Variants in RBFOX1 observed in about 807,000 individuals in gnomAD.
RBFOX1 encodes the protein RNA binding protein fox-1 homolog 1.
Under a neutral mutation model 57.7 loss-of-function variants are expected in RBFOX1, and 8 were observed. That is an observed-to-expected ratio of 0.14 (90% CI 0.08 to 0.25). The LOEUF is 0.25. Among genes scored for constraint, RBFOX1 ranks in the 10% least tolerant of loss-of-function variants. The pLI is 1.00. For missense variants in RBFOX1, 611 were observed against 548.5 expected, an observed-to-expected ratio of 1.11 and a Z score of -1.14; for synonymous variants, 326 against 222.4, an observed-to-expected ratio of 1.47 and a Z score of -4.15.
At chr16:6,900,621 C>T (rs975267821) in intron 3 of RBFOX1, among the ~76,000 whole-genome samples, 2 of 152,178 alleles carry the variant, frequency 1.3e-5, no homozygotes, top group South Asian at 2.1e-4. Context: ...ACAGCAGATG[C>T]TATTCCCTCT....
intron 1 of RBFOX1, among the ~76,000 whole-genome samples, chr16:6,284,944 C>G (rs1294850908): frequency 1.3e-5 from 2 of 152,000 alleles, no homozygotes; most frequent in Non-Finnish European, 2.9e-5. Context: ...GTTTCTTATC[C>G]TCTTGCCTGA....
intron 2 of RBFOX1, among the ~76,000 whole-genome samples, chr16:6,395,891 C>T (rs954042061): frequency 1.3e-5 from 2 of 151,620 alleles, no homozygotes; most frequent in African/African-American, 4.8e-5. Flanking sequence ...CACAGTGAAA[C>T]CCCGTCTCTG....
intron 2 of RBFOX1, among the ~76,000 whole-genome samples, chr16:6,424,863 C>T (rs954034610): frequency 6.6e-6 from 1 of 152,050 alleles, no homozygotes; most frequent in Non-Finnish European, 1.5e-5. Flanking sequence ...TAAATGGAAA[C>T]AAACAAGTTA....
chr16:5,837,919 T>A (rs1351774093), intron 3 of RBFOX1, among the ~76,000 whole-genome samples: 1 of 152,078 alleles, frequency 6.6e-6, no homozygotes, highest in East Asian at 1.9e-4. Flanking sequence ...GTTGGGCGCT[T>A]GGAGAAGACT....
intron 4 of RBFOX1, among the ~76,000 whole-genome samples, chr16:5,904,407 G>A (rs2058391003): frequency 2.6e-5 from 4 of 151,916 alleles, no homozygotes; most frequent in South Asian, 2.1e-4. Flanking sequence ...TTGTCTCAGG[G>A]CATTATATAT....
At chr16:7,483,991 A>G (rs527586835) in intron 4 of RBFOX1, among the ~76,000 whole-genome samples, 1 of 152,314 alleles carries the variant, frequency 6.6e-6, no homozygotes, top group African/African-American at 2.4e-5. Flanking sequence ...CTTTATTTTC[A>G]GTCTATTCTG....
chr16:6,529,569 ATTAT>A (rs1483894658), intron 2 of RBFOX1, among the ~76,000 whole-genome samples: 1 of 91,096 alleles, frequency 1.1e-5, no homozygotes, highest in East Asian at 3.0e-4. Flanking sequence ...AATAATAATA[ATTAT>A]TATTAATAAT....
chr16:6,760,152 G>A (rs115775773), intron 3 of RBFOX1, among the ~76,000 whole-genome samples: 2,084 of 152,212 alleles, frequency 0.014, 53 homozygotes, highest in African/African-American at 0.045. Context: ...AAAAATGTAC[G>A]TACACAAAGA....
intron 1 of RBFOX1, among the ~76,000 whole-genome samples, chr16:6,048,376 A>C (rs113189504): frequency 1.2e-3 from 182 of 152,310 alleles, no homozygotes; most frequent in Non-Finnish European, 2.2e-3. Flanking sequence ...TTACTTCAAG[A>C]ATCTCTCATA....
chr16:7,063,505 C>G (rs1446128343), intron 4 of RBFOX1, among the ~76,000 whole-genome samples: 1 of 152,156 alleles, frequency 6.6e-6, no homozygotes, highest in Non-Finnish European at 1.5e-5. Context: ...CCTACTGGAT[C>G]AGATTCTGGA....
intron 4 of RBFOX1, among the ~76,000 whole-genome samples, chr16:7,337,330 C>G (rs1463499400): frequency 1.3e-5 from 2 of 152,020 alleles, no homozygotes; most frequent in African/African-American, 4.8e-5. Flanking sequence ...AGGGTGGTTT[C>G]AAAGGAAGGG....
At chr16:7,261,937 C>G (rs1318896896) in intron 4 of RBFOX1, among the ~76,000 whole-genome samples, 1 of 152,154 alleles carries the variant, frequency 6.6e-6, no homozygotes, top group Non-Finnish European at 1.5e-5. Flanking sequence ...CTTTGCAAGT[C>G]ACTAGTTAAG....
intron 4 of RBFOX1, among the ~76,000 whole-genome samples, chr16:7,269,707 C>T (rs1212400707): frequency 1.3e-5 from 2 of 152,104 alleles, no homozygotes; most frequent in South Asian, 2.1e-4. Context: ...AGAATAATGT[C>T]ACAGAGAATT....
intron 2 of RBFOX1, among the ~76,000 whole-genome samples, chr16:5,571,893 C>T (rs1425663091): frequency 6.6e-6 from 1 of 152,234 alleles, no homozygotes; most frequent in Admixed American, 6.5e-5. Flanking sequence ...GTCCGTAGCA[C>T]CAAAGTGCTG....
intron 2 of RBFOX1, among the ~76,000 whole-genome samples, chr16:6,523,320 G>C (rs1406982774): frequency 6.6e-6 from 1 of 152,146 alleles, no homozygotes. Flanking sequence ...AAAGCTACTA[G>C]CCATTTGGAC....
chr16:6,850,451 G>A (rs1195040988), intron 3 of RBFOX1, among the ~76,000 whole-genome samples: 3 of 152,028 alleles, frequency 2.0e-5, no homozygotes, highest in Non-Finnish European at 4.4e-5. Flanking sequence ...GACAAATGAG[G>A]TTTGAGTTGA....
intron 4 of RBFOX1, among the ~76,000 whole-genome samples, chr16:5,893,400 A>G (rs569533271): frequency 3.9e-5 from 6 of 152,380 alleles, no homozygotes; most frequent in African/African-American, 1.4e-4. Flanking sequence ...GTACGTTTCA[A>G]AATAACTAAA....
At chr16:7,045,413 C>T (rs536791254) in intron 3 of RBFOX1, among the ~76,000 whole-genome samples, 1 of 152,106 alleles carries the variant, frequency 6.6e-6, no homozygotes, top group South Asian at 2.1e-4. Context: ...TTCTTATTCC[C>T]AAATCTCATT....
chr16:5,988,562 G>A (rs2060326761), intron 4 of RBFOX1, among the ~76,000 whole-genome samples: 1 of 152,114 alleles, frequency 6.6e-6, no homozygotes, highest in Non-Finnish European at 1.5e-5. Context: ...CCCCCTTCCT[G>A]CCACCCTGCT....
Sources: allele counts gnomAD v4.1 joint callset (sites outside exome capture counted in the v4.1 genomes callset), GRCh38; gene constraint gnomAD v4.1.1; transcripts MANE v1.5; gene names NCBI Gene and HGNC (gene_info 2026-07-23, HGNC 2026-07-21).